CAPZB: variants seen among roughly 807,000 people sequenced by gnomAD.
The protein encoded by CAPZB is capping actin protein of muscle Z-line subunit beta.
A neutral mutation model predicts 38.1 loss-of-function variants in CAPZB; 2 were observed. The ratio of observed to expected loss-of-function variants is 0.05; its 90% CI spans 0.02 to 0.17. The LOEUF (loss-of-function observed/expected upper bound fraction) is 0.17. Among genes scored for constraint, CAPZB ranks in the 10% least tolerant of loss-of-function variants. The pLI is 1.00. For synonymous variants in CAPZB, 107 were observed against 127.4 expected (o/e 0.84, Z 1.08); for missense variants, 161 against 334.2 (o/e 0.48, Z 4.04).
chr1:19,400,832 C>T (rs1021314205), intron 2 of CAPZB, among the ~76,000 whole-genome samples: 3 of 151,982 alleles, frequency 2.0e-5, no homozygotes, highest in Non-Finnish European at 2.9e-5. Context: ...ATTATGCCTC[C>T]TGGCTCTAGG....
intron 1 of CAPZB, among the ~76,000 whole-genome samples, chr1:19,433,715 G>A (rs2094449515): frequency 6.6e-6 from 1 of 152,192 alleles, no homozygotes; most frequent in South Asian, 2.1e-4. Context: ...GAAGCTTGAG[G>A]AAAAGAACAC....
At chr1:19,431,902 C>A (rs1367193158) in intron 1 of CAPZB, among the ~76,000 whole-genome samples, 1 of 151,084 alleles carries the variant, frequency 6.6e-6, no homozygotes, top group African/African-American at 2.4e-5. Context: ...CACAGCGAGA[C>A]CCCGTCTCTA....
At chr1:19,373,148 C>T (rs756954791) in intron 4 of CAPZB, among the ~76,000 whole-genome samples, 5 of 152,120 alleles carry the variant, frequency 3.3e-5, no homozygotes, top group Non-Finnish European at 7.3e-5. Context: ...GGGACCTGGA[C>T]GTGAGAATGC....
At chr1:19,445,073 T>C (rs866186161) in intron 1 of CAPZB, among the ~76,000 whole-genome samples, 4 of 152,260 alleles carry the variant, frequency 2.6e-5, no homozygotes, top group African/African-American at 4.8e-5. Flanking sequence ...CACGAGATCT[T>C]TGACACAAAG....
chr1:19,472,437 G>A (rs1212318034), intron 1 of CAPZB, among the ~76,000 whole-genome samples: 1 of 152,194 alleles, frequency 6.6e-6, no homozygotes. Flanking sequence ...GGCCGCAGGT[G>A]TAACACAGCC....
chr1:19,373,494 T>A (rs1162988615), intron 4 of CAPZB, among the ~76,000 whole-genome samples: 1 of 152,132 alleles, frequency 6.6e-6, no homozygotes, highest in Non-Finnish European at 1.5e-5. Context: ...AGACAGAATC[T>A]ACGTCTTTCC....
chr1:19,354,692 C>T (rs1011798568), intron 6 of CAPZB, among the ~76,000 whole-genome samples: 1 of 152,208 alleles, frequency 6.6e-6, no homozygotes, highest in African/African-American at 2.4e-5. Context: ...GGGCTGACAG[C>T]TCTGATTTAA....
At chr1:19,431,176 C>A (rs778271479) in intron 1 of CAPZB, among the ~76,000 whole-genome samples, 10 of 152,186 alleles carry the variant, frequency 6.6e-5, no homozygotes, top group Non-Finnish European at 5.9e-5. Context: ...TCTGCTTATA[C>A]AGGTTGAACA....
At chr1:19,469,126 C>G (rs1170382605) in intron 1 of CAPZB, among the ~76,000 whole-genome samples, 2 of 152,116 alleles carry the variant, frequency 1.3e-5, no homozygotes, top group Non-Finnish European at 2.9e-5. Flanking sequence ...CGAAGGCCAG[C>G]AGTAGTCAAA....
intron 1 of CAPZB, among the ~76,000 whole-genome samples, chr1:19,450,178 A>G (rs2094511285): frequency 8.5e-6 from 1 of 117,412 alleles, no homozygotes; most frequent in Admixed American, 9.6e-5. Flanking sequence ...AAGAAAAGAA[A>G]AGAAAAGAAG....
chr1:19,347,312 G>T (rs1363520077), intron 6 of CAPZB, among the ~76,000 whole-genome samples: 2 of 152,192 alleles, frequency 1.3e-5, no homozygotes, highest in Non-Finnish European at 2.9e-5. Context: ...CTGCACGAGA[G>T]CACTTCTTTT....
chr1:19,341,892 C>T (rs571368388), intron 8 of CAPZB, among the ~76,000 whole-genome samples: 1 of 152,312 alleles, frequency 6.6e-6, no homozygotes, highest in African/African-American at 2.4e-5. Flanking sequence ...CTGCTGCACC[C>T]CTTCTGGGGT....
At chr1:19,405,320 G>A (rs1315433820) in intron 2 of CAPZB, among the ~76,000 whole-genome samples, 1 of 152,086 alleles carries the variant, frequency 6.6e-6, no homozygotes, top group African/African-American at 2.4e-5. Context: ...AAGCCAGAGG[G>A]CCCTCCAGTG....
At chr1:19,364,369 C>T (rs1383457557) in intron 4 of CAPZB, among the ~76,000 whole-genome samples, 1 of 152,232 alleles carries the variant, frequency 6.6e-6, no homozygotes, top group Non-Finnish European at 1.5e-5. Flanking sequence ...CTGCTGCTTA[C>T]ACACCTCCAG....
At chr1:19,348,771 G>T (rs910614125) in intron 6 of CAPZB, among the ~76,000 whole-genome samples, 2 of 38,580 alleles carry the variant, frequency 5.2e-5, no homozygotes, top group Admixed American at 1.9e-4. Context: ...GGGGGGGGGC[G>T]GTCTAGGTGA....
chr1:19,400,407 C>T (rs1454088237), intron 2 of CAPZB, among the ~76,000 whole-genome samples: 1 of 152,220 alleles, frequency 6.6e-6, no homozygotes. Flanking sequence ...GCAGACTGAG[C>T]GTGCCATGCC....
intron 1 of CAPZB, among the ~76,000 whole-genome samples, chr1:19,483,093 T>C (rs573588200): frequency 5.9e-5 from 9 of 152,312 alleles, no homozygotes; most frequent in African/African-American, 2.2e-4. Flanking sequence ...CACAAATCTC[T>C]GCCCTCCAAG....
intron 1 of CAPZB, among the ~76,000 whole-genome samples, chr1:19,437,220 C>T (rs1381015649): frequency 3.3e-5 from 5 of 152,170 alleles, no homozygotes; most frequent in East Asian, 1.9e-4. Context: ...CAATAAGGAA[C>T]CGTAAGCTAG....
At chr1:19,405,010 C>T (rs1050740217) in intron 2 of CAPZB, among the ~76,000 whole-genome samples, 21 of 152,146 alleles carry the variant, frequency 1.4e-4, no homozygotes, top group African/African-American at 3.6e-4. Context: ...CTCATGACTC[C>T]GTGACCTTAA....
Sources: allele counts gnomAD v4.1 joint callset (sites outside exome capture counted in the v4.1 genomes callset), GRCh38; gene constraint gnomAD v4.1.1; transcripts MANE v1.5; gene names NCBI Gene and HGNC (gene_info 2026-07-23, HGNC 2026-07-21).